Variants in TRDN observed in about 807,000 individuals in gnomAD.
The protein encoded by TRDN is triadin.
In TRDN, 161 loss-of-function variants were observed where a neutral mutation model predicts 149.7. That is an observed-to-expected ratio of 1.08 (90% CI 0.95 to 1.23). The LOEUF (loss-of-function observed/expected upper bound fraction) is 1.23. Ranked by LOEUF, TRDN falls within the 50% of genes most tolerant of loss-of-function variation. The pLI is 0.00. For synonymous variants in TRDN, 294 were observed against 250.5 expected, an observed-to-expected ratio of 1.17 and a Z score of -1.64; for missense variants, 896 against 823.5, an observed-to-expected ratio of 1.09 and a Z score of -1.08.
intron 21 of TRDN, chr6:123,351,303 C>T (rs1320115005): frequency 1.0e-6 from 1 of 953,136 alleles, no homozygotes. Context: ...CCCTATACAA[C>T]ATCTTCTCAG....
At chr6:123,388,053 AGCGGT>A in intron 14 of TRDN, among the ~76,000 whole-genome samples, 1 of 152,034 alleles carries the variant, frequency 6.6e-6, no homozygotes, top group Non-Finnish European at 1.5e-5. Flanking sequence ...AAAAATGAAA[AGCGGT>A]ATATAAGCCA....
intron 21 of TRDN, among the ~76,000 whole-genome samples, chr6:123,344,682 A>G (rs1188521541): frequency 6.6e-6 from 1 of 152,030 alleles, no homozygotes; most frequent in African/African-American, 2.4e-5. Flanking sequence ...TCACCTATTG[A>G]AGGACATCTT....
chr6:123,398,044 G>T (rs9482383), intron 12 of TRDN, among the ~76,000 whole-genome samples: 2 of 152,048 alleles, frequency 1.3e-5, no homozygotes, highest in African/African-American at 2.4e-5. Flanking sequence ...TCACTCCGTC[G>T]CCCAGGCTGG....
intron 7 of TRDN, among the ~76,000 whole-genome samples, chr6:123,504,935 T>C (rs917960402): frequency 1.3e-5 from 2 of 152,116 alleles, no homozygotes; most frequent in Non-Finnish European, 2.9e-5. Context: ...GTAGCCTTTA[T>C]TGTCACTCAT....
intron 9 of TRDN, among the ~76,000 whole-genome samples, chr6:123,484,587 G>A (rs533162548): frequency 6.6e-5 from 10 of 152,002 alleles, no homozygotes; most frequent in African/African-American, 2.2e-4. Context: ...GACTATATTA[G>A]AACATGCTTT....
rs373439044 is a variant in TRDN, at chr6:123,218,604, C to A, written c.2187G>T (p.Gln729His). The A allele has an allele frequency of 4.5e-5, 73 of 1,611,042 alleles. No individual in the cohort carries two copies. In the African/African-American group the frequency reaches 8.6e-4, roughly 19 times the overall value. ...ANSPGQKQQG[Q>H] ...TGTAAGGGTCATACATGTGTGTTTA[C>A]TGTCCTTGTTGCTTCTGTCCTGGAG... The change falls in exon 41 of 41, where the codon CAG (glutamine) becomes CAT (histidine). Residue 729 changes from glutamine to histidine, a missense_variant. By Grantham distance (24) the Gln-to-His change is conservative. Transcript: ENST00000334268.
intron 20 of TRDN, among the ~76,000 whole-genome samples, chr6:123,357,272 G>T (rs969422580): frequency 6.6e-6 from 1 of 151,892 alleles, no homozygotes; most frequent in Non-Finnish European, 1.5e-5. Flanking sequence ...TGTATCACTT[G>T]ACAAAAGATA....
At chr6:123,377,472 T>C (rs1165949353) in intron 18 of TRDN, among the ~76,000 whole-genome samples, 1 of 152,120 alleles carries the variant, frequency 6.6e-6, no homozygotes, top group Non-Finnish European at 1.5e-5. Context: ...TCTAATAACA[T>C]TTTGGGTGAT....
At chr6:123,462,284 G>T (rs1776494626) in intron 10 of TRDN, 1 of 152,158 alleles carries the variant, frequency 6.6e-6, no homozygotes, top group African/African-American at 2.4e-5. Flanking sequence ...AGAAATCCAA[G>T]AAAGGCAAGA....
chr6:123,227,955 AGGGC>A (rs1408185930), intron 38 of TRDN, among the ~76,000 whole-genome samples: 1 of 151,594 alleles, frequency 6.6e-6, no homozygotes, highest in Non-Finnish European at 1.5e-5. Context: ...CTCCTATATC[AGGGC>A]CTCTTGAAAG....
At chr6:123,230,206 A>G (rs1775547801) in intron 38 of TRDN, among the ~76,000 whole-genome samples, 1 of 152,032 alleles carries the variant, frequency 6.6e-6, no homozygotes, top group African/African-American at 2.4e-5. Flanking sequence ...CTATGCAGCC[A>G]TAAAAAAAGG....
At chr6:123,514,344 G>A (rs1779322892) in intron 6 of TRDN, among the ~76,000 whole-genome samples, 1 of 152,056 alleles carries the variant, frequency 6.6e-6, no homozygotes, top group South Asian at 2.1e-4. Context: ...GGCAGAGTGA[G>A]ACTCTGTCTC....
At chr6:123,634,810 T>C (rs905501631) in intron 1 of TRDN, among the ~76,000 whole-genome samples, 7 of 152,032 alleles carry the variant, frequency 4.6e-5, no homozygotes, top group African/African-American at 1.7e-4. Context: ...TCCTATGAAC[T>C]GTTAAGGCCC....
At chr6:123,269,951 TTC>T (rs1777151058) in intron 30 of TRDN, 85 bp from the exon 31 acceptor site, 1 of 1,375,864 alleles carries the variant, frequency 7.3e-7, no homozygotes, top group African/African-American at 1.4e-5. Flanking sequence ...TATTTACTTA[TTC>T]TTAGTTTTAG....
rs74365171 is a variant in TRDN, at chr6:123,396,816, C to T, written c.1052-3139G>A. 3.2e-4 allele frequency among the ~76,000 whole-genome samples: 49 copies of T among 152,176 alleles called. No homozygotes were observed. In the East Asian group the frequency reaches 8.5e-3, roughly 26 times the overall value. ...CAGAGATTTAAATATTAGTTTAATA[C>T]GATTAACTTTTCATTTCTAGGACAC... On this transcript the variant is annotated intron_variant, in intron 12 of 40. Coordinates refer to ENST00000334268, the MANE Select transcript of TRDN (RefSeq NM_006073.4).
intron 2 of TRDN, among the ~76,000 whole-genome samples, chr6:123,555,397 CAA>C (rs1438837228): frequency 6.6e-6 from 1 of 152,094 alleles, no homozygotes; most frequent in East Asian, 1.9e-4. Flanking sequence ...CCAAGGAAGT[CAA>C]GCATTCAAAA....
chr6:123,472,855 G>T (rs998631148), intron 9 of TRDN, among the ~76,000 whole-genome samples: 8 of 151,316 alleles, frequency 5.3e-5, no homozygotes, highest in Non-Finnish European at 1.0e-4. Context: ...ACACGGCAGG[G>T]TATTCCAACA....
chr6:123,416,028 C>A (rs180920013), intron 12 of TRDN, among the ~76,000 whole-genome samples: 1 of 152,212 alleles, frequency 6.6e-6, no homozygotes, highest in East Asian at 1.9e-4. Context: ...ATGACGTTCA[C>A]AACTACGACC....
chr6:123,264,444 G>A (rs914478695), intron 33 of TRDN, among the ~76,000 whole-genome samples: 4 of 152,102 alleles, frequency 2.6e-5, no homozygotes, highest in Non-Finnish European at 5.9e-5. Context: ...AACAGACGAG[G>A]AGTTATTTCT....
Sources: gnomAD v4.1 joint callset for allele counts (sites outside exome capture counted in the v4.1 genomes callset) on GRCh38, gnomAD v4.1.1 for gene constraint, MANE v1.5 for transcripts, NCBI Gene and HGNC (gene_info 2026-07-23, HGNC 2026-07-21) for gene names.